SLC26A5: variants seen among roughly 807,000 people sequenced by gnomAD.
SLC26A5 encodes the protein solute carrier family 26 member 5, also known as prestin.
Under a neutral mutation model 81.0 loss-of-function variants are expected in SLC26A5, and 51 were observed. The observed-to-expected ratio is 0.63, with a 90% CI of 0.50 to 0.80. SLC26A5 has a LOEUF of 0.80. SLC26A5 is among the 30% of genes least tolerant of loss of function. SLC26A5 has a pLI of 0.00. For synonymous variants in SLC26A5, 325 were observed against 332.8 expected, an observed-to-expected ratio of 0.98 and a Z score of 0.25; for missense variants, 771 against 905.8, an observed-to-expected ratio of 0.85 and a Z score of 1.91.
intron 8 of SLC26A5, among the ~76,000 whole-genome samples, chr7:103,402,852 G>C (rs1226022361): frequency 6.6e-6 from 1 of 151,930 alleles, no homozygotes; most frequent in Admixed American, 6.6e-5. Context: ...TTTTTTGAAG[G>C]GTTTTTCTTG....
chr7:103,445,933 C>G (rs527295581), intron 1 of SLC26A5, 165 bp downstream of exon 1: 13 of 150,624 alleles, frequency 8.6e-5, no homozygotes, highest in Non-Finnish European at 1.9e-4. Flanking sequence ...GCAGGTCAGC[C>G]CTGTCACCGG....
At chr7:103,403,219 T>C (rs1391516739) in intron 8 of SLC26A5, among the ~76,000 whole-genome samples, 3 of 152,258 alleles carry the variant, frequency 2.0e-5, no homozygotes, top group Non-Finnish European at 4.4e-5. Flanking sequence ...CTAATTTGAC[T>C]GCACTGTGGT....
chr7:103,445,239 T>C (rs890944062), intron 1 of SLC26A5: 1 of 152,246 alleles, frequency 6.6e-6, no homozygotes, highest in African/African-American at 2.4e-5. Context: ...GATCGGATCC[T>C]TGCAGCTGTT....
intron 2 of SLC26A5, among the ~76,000 whole-genome samples, chr7:103,422,603 G>A (rs958487307): frequency 2.0e-5 from 3 of 152,132 alleles, no homozygotes; most frequent in African/African-American, 7.2e-5. Flanking sequence ...ACTAAGAAGG[G>A]ATAGTAGAGG....
At chr7:103,380,587 C>T (rs1821697930) in intron 14 of SLC26A5, 38 bp from the exon 15 acceptor site, 2 of 1,566,716 alleles carry the variant, frequency 1.3e-6, no homozygotes, top group South Asian at 2.2e-5. Flanking sequence ...TGTGTTGAGG[C>T]ACAGCGTGTG....
At chr7:103,434,643 TTTTATTTA>T (rs66948143) in intron 2 of SLC26A5, among the ~76,000 whole-genome samples, 3 of 150,774 alleles carry the variant, frequency 2.0e-5, no homozygotes, top group African/African-American at 4.9e-5. Flanking sequence ...AAGAGATTAT[TTTTATTTA>T]TTTATTTATT....
intron 2 of SLC26A5, among the ~76,000 whole-genome samples, chr7:103,429,618 T>C (rs1825925227): frequency 6.6e-6 from 1 of 152,256 alleles, no homozygotes; most frequent in Non-Finnish European, 1.5e-5. Context: ...AACCAGAATA[T>C]ATTATCTATC....
downstream of SLC26A5, among the ~76,000 whole-genome samples, chr7:103,371,083 C>G (rs1821005260): frequency 6.6e-6 from 1 of 152,132 alleles, no homozygotes; most frequent in African/African-American, 2.4e-5. Context: ...ACAAAAAAGT[C>G]AGGAAATTTT....
At chr7:103,390,607 A>G in intron 11 of SLC26A5, 101 bp from the exon 12 acceptor site, 2 of 917,568 alleles carry the variant, frequency 2.2e-6, no homozygotes, top group Middle Eastern at 2.1e-4. Flanking sequence ...TGGGAAGATC[A>G]AGAAAATATG....
intron 1 of SLC26A5, among the ~76,000 whole-genome samples, chr7:103,443,709 C>T (rs181930636): frequency 5.9e-4 from 90 of 152,340 alleles, no homozygotes; most frequent in Middle Eastern, 6.8e-3. Context: ...TCACAGAATA[C>T]TTACTCAAGG....
chr7:103,391,940 T>C (rs559862041), intron 10 of SLC26A5, among the ~76,000 whole-genome samples: 5 of 152,342 alleles, frequency 3.3e-5, no homozygotes, highest in African/African-American at 1.2e-4. Context: ...AATTTTTATT[T>C]TGTCAGAGAT....
rs188738404 is a variant in SLC26A5 at position 103,374,597 on chromosome 7, T to C, written c.2042-5A>G. ...TGAGGTCATTCACAACTTGTGCTAT[T>C]AAAAGAAGAAAAGAAAATTAGTCCA... On this transcript the variant is annotated splice_region_variant and splice_polypyrimidine_tract_variant and intron_variant, in intron 19 of 19. Coordinates refer to ENST00000306312, the MANE Select transcript of SLC26A5 (RefSeq NM_198999.3). 5.6e-4 allele frequency: 907 copies of C among 1,613,336 alleles called. 2 individuals carry two copies. The highest frequency in any genetic ancestry group is 6.8e-4 in the Non-Finnish European group (804 of 1,179,754).
At chr7:103,394,253 G>A (rs928334143) in intron 9 of SLC26A5, among the ~76,000 whole-genome samples, 17 of 152,172 alleles carry the variant, frequency 1.1e-4, no homozygotes, top group Non-Finnish European at 1.9e-4. Context: ...TACATAAGTC[G>A]TCTCATTTTC....
At chr7:103,437,027 A>C (rs1382223276) in intron 2 of SLC26A5, among the ~76,000 whole-genome samples, 1 of 152,214 alleles carries the variant, frequency 6.6e-6, no homozygotes, top group East Asian at 1.9e-4. Flanking sequence ...AGTATTTGCA[A>C]ACCACACATC....
chr7:103,435,734 A>G (rs1327294559), intron 2 of SLC26A5, among the ~76,000 whole-genome samples: 1 of 152,096 alleles, frequency 6.6e-6, no homozygotes, highest in East Asian at 1.9e-4. Flanking sequence ...GGTTCTTTCT[A>G]GGGGATCACT....
intron 8 of SLC26A5, among the ~76,000 whole-genome samples, chr7:103,406,692 G>T (rs781398010): frequency 6.6e-6 from 1 of 152,058 alleles, no homozygotes; most frequent in Non-Finnish European, 1.5e-5. Context: ...ATCTTGCTTT[G>T]TCACCCAGGC....
In SLC26A5 at chr7:103,392,919, C is replaced by G. The variant is rs1261492676; in HGVS notation, c.1119G>C (p.Gln373His). 6.2e-7 allele frequency: 1 copy of G among 1,613,842 alleles called. No homozygotes were observed. The highest frequency in any genetic ancestry group is 1.7e-5 in the Admixed American group (1 of 59,984). The change falls in exon 10 of 20, where the codon CAG becomes CAC. Residue 373 changes from glutamine to histidine, a missense_variant and splice_region_variant. Coordinates refer to ENST00000306312, the MANE Select transcript of SLC26A5 (RefSeq NM_198999.3). Reference sequence around the variant, plus strand: ...TGTGCAGGAAACTGATTATCTTTACCTGATTGCCGTCAACCTGGTAGCCAT... The same window carrying G: ...TGTGCAGGAAACTGATTATCTTTACGTGATTGCCGTCAACCTGGTAGCCAT... ...NKHGYQVDGN[Q>H]ELIALGLCNS...
Position 103,377,930 on chromosome 7 carries a change from T to G in SLC26A5, c.1786-131A>C. The G allele has an allele frequency of 3.6e-6, 3 of 835,582 alleles. 1 individual carries two copies. In the South Asian group the frequency reaches 4.2e-5, roughly 12 times the overall value. 51.8% of individuals were successfully genotyped at this position (835,582 alleles called of 1,614,324 possible). A position where few individuals can be genotyped will look rare whatever the true frequency, so the allele number is the denominator to read the frequency against. ...ACTCTACCAGACCCCTTGTAAAATA[T>G]TTGTCATATTCTAGCCTTGTAACTG... On this transcript the variant is annotated intron_variant, in intron 17 of 19. Transcript: ENST00000306312.
At position 103,374,236 on chromosome 7, in the gene SLC26A5, C is replaced by T. The variant is rs2116319898; in HGVS notation, c.*163G>A. ...TCTTTGAAGTATTCAATTAAAAAAA[C>T]ACAAGTACAATACATCTTGCTAGGC... On this transcript the variant is annotated 3_prime_UTR_variant, in exon 20 of 20. Coordinates refer to ENST00000306312, the MANE Select transcript of SLC26A5 (RefSeq NM_198999.3). The T allele has an allele frequency of 7.1e-7, 1 of 1,416,750 alleles. No individual in the cohort carries two copies. Among genetic ancestry groups the T allele is most frequent in the South Asian group, 1.6e-5 (1 of 60,790 alleles). 87.8% of individuals were successfully genotyped at this position (1,416,750 alleles called of 1,614,324 possible). A position where few individuals can be genotyped will look rare whatever the true frequency, so the allele number is the denominator to read the frequency against.
Sources: gnomAD v4.1 joint callset for allele counts (sites outside exome capture counted in the v4.1 genomes callset) on GRCh38, gnomAD v4.1.1 for gene constraint, MANE v1.5 for transcripts, NCBI Gene and HGNC (gene_info 2026-07-23, HGNC 2026-07-21) for gene names.